Variants in GARNL3 observed in about 807,000 individuals in gnomAD.
The protein encoded by GARNL3 is GTPase activating Rap/RanGAP domain like 3.
GARNL3 carries 63 observed loss-of-function variants against 125.0 expected under a neutral mutation model. That is an observed-to-expected ratio of 0.50 (90% CI 0.41 to 0.62). GARNL3 has a LOEUF of 0.62. GARNL3 is among the 20% of genes least tolerant of loss of function. The pLI is 0.00. For synonymous variants in GARNL3, 439 were observed against 457.5 expected (o/e 0.96, Z 0.52); for missense variants, 994 against 1,244.0 (o/e 0.80, Z 3.02).
At chr9:127,322,220 C>T (rs1049229656) in intron 6 of GARNL3, among the ~76,000 whole-genome samples, 3 of 151,992 alleles carry the variant, frequency 2.0e-5, no homozygotes, top group Non-Finnish European at 4.4e-5. Flanking sequence ...GGTTATTATT[C>T]CTAATCCTTC....
At chr9:127,231,024 A>T (rs10119635) in intron 1 of GARNL3, among the ~76,000 whole-genome samples, 3 of 82,848 alleles carry the variant, frequency 3.6e-5, no homozygotes, top group African/African-American at 8.7e-5. Flanking sequence ...ATATACATAT[A>T]TGTATATATA....
At chr9:127,301,965 G>A (rs1238092164) in intron 2 of GARNL3, among the ~76,000 whole-genome samples, 1 of 107,104 alleles carries the variant, frequency 9.3e-6, no homozygotes, top group Non-Finnish European at 1.7e-5. Flanking sequence ...TTTTGAGACA[G>A]AGTCTCGCTC....
In GARNL3 at chr9:127,239,709, A is replaced by G. The variant is rs149972062; in HGVS notation, c.-28-3370A>G. ...AATATGTCAGAAGGTTAAGAGGAAC[A>G]TATTTTTTAAAATTAGAAAGTTAGG... On this transcript the variant is annotated intron_variant, in intron 1 of 10. Transcript: ENST00000439286. Among the ~76,000 whole-genome samples, 300 of 152,352 alleles carry G rather than the reference A, an allele frequency of 2.0e-3. 1 individual carries two copies. The highest frequency in any genetic ancestry group is 4.5e-3 in the Admixed American group (69 of 15,306).
At chr9:127,315,369 G>C (rs2065212543) in intron 4 of GARNL3, among the ~76,000 whole-genome samples, 1 of 152,184 alleles carries the variant, frequency 6.6e-6, no homozygotes. Flanking sequence ...CAGCACAGTG[G>C]CTCATGCCTG....
At chr9:127,357,058 C>T (rs1421908695) in intron 20 of GARNL3, among the ~76,000 whole-genome samples, 161 bp from the exon 21 acceptor site, 2 of 152,216 alleles carry the variant, frequency 1.3e-5, no homozygotes, top group Non-Finnish European at 2.9e-5. Flanking sequence ...GGATGTGACC[C>T]CTGGCACTCC....
At chr9:127,289,098 C>G (rs1395795725) in intron 1 of GARNL3, among the ~76,000 whole-genome samples, 2 of 152,164 alleles carry the variant, frequency 1.3e-5, no homozygotes, top group Non-Finnish European at 2.9e-5. Context: ...AGTAGAAACC[C>G]ACAAAGAAGC....
intron 2 of GARNL3, among the ~76,000 whole-genome samples, chr9:127,258,615 G>C (rs908888661): frequency 6.6e-6 from 1 of 152,052 alleles, no homozygotes; most frequent in Admixed American, 6.6e-5. Context: ...CTCCATCCTG[G>C]GCCAAAGAGT....
chr9:127,387,900 C>T (rs1410580005), intron 25 of GARNL3, among the ~76,000 whole-genome samples: 1 of 152,114 alleles, frequency 6.6e-6, no homozygotes, highest in East Asian at 1.9e-4. Flanking sequence ...AATCCCAGCA[C>T]TTTGGCGGGC....
At chr9:127,341,943 T>C (rs1829882740) in intron 13 of GARNL3, among the ~76,000 whole-genome samples, 2 of 152,060 alleles carry the variant, frequency 1.3e-5, no homozygotes, top group Non-Finnish European at 2.9e-5. Context: ...CGGCGGATCA[T>C]AGAGTCTCGG....
chr9:127,286,214 C>G (rs1222969135), intron 1 of GARNL3, among the ~76,000 whole-genome samples: 2 of 152,218 alleles, frequency 1.3e-5, no homozygotes, highest in Admixed American at 6.5e-5. Flanking sequence ...GGGCTGGATG[C>G]ATTCCAGTGT....
chr9:127,315,989 G>A (rs564950355), intron 4 of GARNL3, among the ~76,000 whole-genome samples: 1 of 152,314 alleles, frequency 6.6e-6, no homozygotes, highest in Admixed American at 6.5e-5. Context: ...ACATGCACTT[G>A]ACTCTACCTG....
intron 1 of GARNL3, chr9:127,225,414 C>A (rs1171558519): frequency 1.2e-5 from 12 of 972,060 alleles, no homozygotes; most frequent in Non-Finnish European, 1.3e-5. Flanking sequence ...GTACTGCGGA[C>A]GGGGAGGGGT....
At chr9:127,377,602 C>A (rs1831990028) in intron 22 of GARNL3, among the ~76,000 whole-genome samples, 1 of 151,838 alleles carries the variant, frequency 6.6e-6, no homozygotes, top group South Asian at 2.1e-4. Context: ...GACTGGCCAA[C>A]ATGGTGAGAC....
At chr9:127,363,106 A>T (rs1479894316) in intron 21 of GARNL3, 1 of 152,186 alleles carries the variant, frequency 6.6e-6, no homozygotes, top group Non-Finnish European at 1.5e-5. Context: ...CTTAGATCTC[A>T]TGGGGAGGGG....
chr9:127,251,218 T>C (rs1010059180), intron 2 of GARNL3, among the ~76,000 whole-genome samples: 2 of 152,200 alleles, frequency 1.3e-5, no homozygotes, highest in African/African-American at 4.8e-5. Flanking sequence ...GTAAATCTAA[T>C]TTTGTCCTTA....
At chr9:127,355,521 G>A in intron 20 of GARNL3, 49 bp downstream of exon 20, 1 of 1,565,304 alleles carries the variant, frequency 6.4e-7, no homozygotes, top group Non-Finnish European at 8.8e-7. Flanking sequence ...TTGTCTTGAA[G>A]CAGACTCTGT....
upstream of GARNL3, among the ~76,000 whole-genome samples, chr9:127,260,961 A>G (rs774113777): frequency 2.0e-5 from 3 of 152,182 alleles, no homozygotes; most frequent in Non-Finnish European, 4.4e-5. Flanking sequence ...TCCTGGTTAG[A>G]ATCTTCTATG....
At chr9:127,363,880 T>C (rs1831143537) in intron 21 of GARNL3, 1 of 152,202 alleles carries the variant, frequency 6.6e-6, no homozygotes, top group South Asian at 2.1e-4. Context: ...CTTCACTGAG[T>C]GCTCATCATG....
chr9:127,288,652 C>T (rs1014455025), intron 1 of GARNL3, among the ~76,000 whole-genome samples: 7 of 152,102 alleles, frequency 4.6e-5, no homozygotes, highest in African/African-American at 1.2e-4. Flanking sequence ...ACCATCAAAT[C>T]GTTAAATTTG....
Sources: gnomAD v4.1 joint callset for allele counts (sites outside exome capture counted in the v4.1 genomes callset) on GRCh38, gnomAD v4.1.1 for gene constraint, MANE v1.5 for transcripts, NCBI Gene and HGNC (gene_info 2026-07-23, HGNC 2026-07-21) for gene names.